Variants in LUZP2 observed in about 807,000 individuals in gnomAD.
The protein encoded by LUZP2 is leucine zipper protein 2.
A neutral mutation model predicts 51.6 loss-of-function variants in LUZP2; 52 were observed. That is an observed-to-expected ratio of 1.01 (90% CI 0.81 to 1.27). LUZP2 has a LOEUF of 1.27. LUZP2 is among the 50% of genes most tolerant of loss of function. The pLI, the probability that LUZP2 is intolerant of heterozygous loss-of-function variation, is 0.00. For synonymous variants in LUZP2, 154 were observed against 137.3 expected, an observed-to-expected ratio of 1.12 and a Z score of -0.85; for missense variants, 436 against 395.4, an observed-to-expected ratio of 1.10 and a Z score of -0.87.
intron 1 of LUZP2, among the ~76,000 whole-genome samples, chr11:24,538,908 G>T (rs1389535636): frequency 6.8e-6 from 1 of 148,022 alleles, no homozygotes; most frequent in Non-Finnish European, 1.5e-5. Context: ...CCTAGATGGT[G>T]TCCATGACAC....
At chr11:24,638,384 TA>T (rs1425805859) in intron 1 of LUZP2, among the ~76,000 whole-genome samples, 1 of 151,658 alleles carries the variant, frequency 6.6e-6, no homozygotes, top group Non-Finnish European at 1.5e-5. Context: ...ATATATTGAC[TA>T]AAAATATAGT....
At chr11:24,831,336 A>C (rs562897747) in intron 5 of LUZP2, among the ~76,000 whole-genome samples, 1 of 152,324 alleles carries the variant, frequency 6.6e-6, no homozygotes, top group African/African-American at 2.4e-5. Flanking sequence ...AGAGAGATAC[A>C]GGCAATTCAT....
intron 1 of LUZP2, among the ~76,000 whole-genome samples, chr11:24,619,230 T>C (rs1854407722): frequency 6.6e-6 from 1 of 152,024 alleles, no homozygotes; most frequent in Non-Finnish European, 1.5e-5. Context: ...GACAGTATCT[T>C]GCTATGTTGT....
intron 1 of LUZP2, among the ~76,000 whole-genome samples, chr11:24,607,640 T>C (rs1195410044): frequency 6.6e-6 from 1 of 152,064 alleles, no homozygotes; most frequent in Non-Finnish European, 1.5e-5. Flanking sequence ...TGTGATTCCA[T>C]ACAAAGTTTA....
intron 3 of LUZP2, 56 bp downstream of exon 3, chr11:24,732,244 G>A (rs1858741574): frequency 7.7e-7 from 1 of 1,292,788 alleles, no homozygotes; most frequent in South Asian, 1.3e-5. Context: ...GCAACATTCA[G>A]AAACTTCACA....
intron 1 of LUZP2, among the ~76,000 whole-genome samples, chr11:24,590,326 T>G (rs1351892269): frequency 1.3e-5 from 2 of 152,174 alleles, no homozygotes; most frequent in African/African-American, 4.8e-5. Context: ...GGAGTACAAT[T>G]TGATGTCTTT....
chr11:25,003,623 C>G (rs1856754757), intron 9 of LUZP2, among the ~76,000 whole-genome samples: 1 of 152,098 alleles, frequency 6.6e-6, no homozygotes, highest in East Asian at 1.9e-4. Flanking sequence ...TAACAATATC[C>G]TGTAATCCTT....
chr11:24,802,870 T>G (rs1020143925), intron 5 of LUZP2, among the ~76,000 whole-genome samples: 2 of 152,192 alleles, frequency 1.3e-5, no homozygotes, highest in East Asian at 1.9e-4. Flanking sequence ...ATTAATTATC[T>G]TATATAAAAG....
At chr11:24,578,284 A>T (rs907029661) in intron 1 of LUZP2, among the ~76,000 whole-genome samples, 20 of 152,064 alleles carry the variant, frequency 1.3e-4, no homozygotes, top group Non-Finnish European at 7.4e-5. Flanking sequence ...TTCCTTTTAC[A>T]TCTTACTGTC....
At chr11:25,008,115 A>C (rs893575030) in intron 9 of LUZP2, among the ~76,000 whole-genome samples, 1 of 152,200 alleles carries the variant, frequency 6.6e-6, no homozygotes, top group Non-Finnish European at 1.5e-5. Context: ...GGCTTGGCTC[A>C]GTTCTGGGTT....
chr11:24,942,360 G>A (rs1247740918), intron 7 of LUZP2, among the ~76,000 whole-genome samples: 1 of 152,100 alleles, frequency 6.6e-6, no homozygotes, highest in African/African-American at 2.4e-5. Context: ...TGCTTTCCTG[G>A]CAATACTTGG....
In LUZP2 at chr11:24,896,390, C is replaced by T. The variant is rs571742449; in HGVS notation, c.397-9601C>T. ...GGTCCCCACACTTGGAGCAGCCAGCCGGCCGGCGATGCCAGCTCCAGGCAG... is the reference window on the plus strand; with the variant it reads ...GGTCCCCACACTTGGAGCAGCCAGCTGGCCGGCGATGCCAGCTCCAGGCAG... On this transcript the variant is annotated intron_variant, in intron 5 of 11. Transcript: ENST00000336930. Among the ~76,000 whole-genome samples, 13 of 152,268 alleles carry T rather than the reference C, an allele frequency of 8.5e-5. No homozygotes were observed. The South Asian group carries it at 1.9e-3, about 22-fold the overall frequency.
chr11:24,796,172 A>G (rs1849538962), intron 5 of LUZP2, among the ~76,000 whole-genome samples: 1 of 152,060 alleles, frequency 6.6e-6, no homozygotes, highest in Non-Finnish European at 1.5e-5. Flanking sequence ...ACGCAGGGGT[A>G]TACGTTTTAG....
At chr11:24,535,605 A>T (rs868014157) in intron 1 of LUZP2, among the ~76,000 whole-genome samples, 1 of 151,640 alleles carries the variant, frequency 6.6e-6, no homozygotes. Context: ...GTGCAAATTC[A>T]GTTGCATCTT....
intron 5 of LUZP2, among the ~76,000 whole-genome samples, chr11:24,774,381 T>TACACAC (rs547340390): frequency 2.1e-5 from 2 of 93,986 alleles, no homozygotes; most frequent in South Asian, 7.3e-4. Context: ...TATATATATA[T>TACACAC]ACATACACAC....
chr11:24,833,710 G>GCACACA lies in LUZP2; in HGVS notation c.396+70403_396+70404insACACAC, dbSNP rs140351361. Among the ~76,000 whole-genome samples the GCACACA allele has an allele frequency of 2.7e-3, 389 of 141,496 alleles. 1 individual carries two copies. The highest frequency in any genetic ancestry group is 7.3e-3 in the Middle Eastern group (2 of 274). 92.8% of individuals were successfully genotyped at this position (141,496 alleles called of 152,430 possible). Reference sequence around the variant, plus strand: ...GTCCCCCACGCCTGCCACCGCGCGCGCGCACACACACACACACACACTTGA... The same window carrying GCACACA: ...GTCCCCCACGCCTGCCACCGCGCGCGCACACACGCACACACACACACACACACTTGA... On this transcript the variant is annotated intron_variant, in intron 5 of 11. Transcript: ENST00000336930.
At chr11:25,065,583 G>T (rs1291833533) in intron 10 of LUZP2, among the ~76,000 whole-genome samples, 1 of 151,902 alleles carries the variant, frequency 6.6e-6, no homozygotes, top group Admixed American at 6.6e-5. Context: ...TCACCCACGG[G>T]GTTTAACCTT....
chr11:24,891,193 G>A (rs1476252125), intron 5 of LUZP2: 2 of 984,874 alleles, frequency 2.0e-6, no homozygotes, highest in East Asian at 1.1e-4. Flanking sequence ...GAGCTAGAGT[G>A]TGATGAAGCA....
chr11:25,038,178 T>C (rs1857922938), intron 9 of LUZP2, among the ~76,000 whole-genome samples: 1 of 152,160 alleles, frequency 6.6e-6, no homozygotes, highest in South Asian at 2.1e-4. Flanking sequence ...CATAATCTCA[T>C]ATTTCTCAGA....
Sources: allele counts gnomAD v4.1 joint callset (sites outside exome capture counted in the v4.1 genomes callset), GRCh38; gene constraint gnomAD v4.1.1; transcripts MANE v1.5; gene names NCBI Gene and HGNC (gene_info 2026-07-23, HGNC 2026-07-21).